The following CYTH4 variants were observed in gnomAD, a reference collection of about 807,000 sequenced individuals.
The protein encoded by CYTH4 is cytohesin 4.
In CYTH4, 22 loss-of-function variants were observed where a neutral mutation model predicts 57.5. That is an observed-to-expected ratio of 0.38 (90% confidence interval 0.27 to 0.55). The LOEUF (loss-of-function observed/expected upper bound fraction) is 0.55. Ranked by LOEUF, CYTH4 falls within the 20% of genes least tolerant of loss-of-function variation. The pLI is 0.74. For synonymous variants in CYTH4, 186 were observed against 206.5 expected (o/e 0.90, Z 0.85); for missense variants, 420 against 535.6 (o/e 0.78, Z 2.13).
At chr22:37,292,572 G>A (rs772302716) in intron 1 of CYTH4, 49 bp from the exon 2 acceptor site, 3 of 1,592,922 alleles carry the variant, frequency 1.9e-6, no homozygotes, top group Admixed American at 1.7e-5. Flanking sequence ...GAGGGCAAGT[G>A]GGTGTGGCTG....
chr22:37,286,510 T>A (rs907473040), intron 1 of CYTH4, among the ~76,000 whole-genome samples: 1 of 151,988 alleles, frequency 6.6e-6, no homozygotes, highest in East Asian at 1.9e-4. Context: ...GGCTTGGTTA[T>A]TGAGCCATGC....
chr22:37,311,554 A>C lies in CYTH4; in HGVS notation c.957+27A>C, dbSNP rs542652069. 1 of 1,610,268 alleles carries C rather than the reference A, an allele frequency of 6.2e-7. No homozygotes were observed. The highest frequency in any genetic ancestry group is 1.1e-5 in the South Asian group (1 of 91,012). On this transcript the variant is annotated intron_variant, in intron 11 of 12. Transcript: ENST00000248901. This position sits in a 1 kb window ranked among gnomAD's most constrained non-coding sequence, Gnocchi z 4.4. ...TAGGTGTTCAGGTTGCAGGATCCCG[A>C]GGCTGGAGCCACTGGGAAATTTCCT...
chr22:37,292,589 A>G lies in CYTH4; in HGVS notation c.20-32A>G, dbSNP rs375531570. On this transcript the variant is annotated intron_variant, in intron 1 of 12. Transcript: ENST00000248901. ...GGGCAAGTGGGTGTGGCTGGAGCCA[A>G]GTGATGGGGAAGGCCGGTTGTCTCT... The G allele has an allele frequency of 1.5e-4, 234 of 1,610,762 alleles. No individual in the cohort carries two copies. The African/African-American group carries it at 2.8e-3, about 19-fold the overall frequency.
chr22:37,293,580 G>T (rs1407217045), intron 2 of CYTH4, among the ~76,000 whole-genome samples: 1 of 152,260 alleles, frequency 6.6e-6, no homozygotes, highest in Non-Finnish European at 1.5e-5. Flanking sequence ...GCATGAACAG[G>T]AGCTGACACG....
intron 9 of CYTH4, chr22:37,310,076 C>T: frequency 2.2e-6 from 1 of 457,382 alleles, no homozygotes; most frequent in Non-Finnish European, 4.5e-6. Flanking sequence ...CTCAACCTGG[C>T]TCACCTCCAG....
At chr22:37,301,470 G>A (rs1274077733) in intron 7 of CYTH4, among the ~76,000 whole-genome samples, 3 of 151,896 alleles carry the variant, frequency 2.0e-5, no homozygotes, top group Non-Finnish European at 2.9e-5. Context: ...GGGCAAAAGG[G>A]GCATAGAAGG....
intron 3 of CYTH4, 36 bp downstream of exon 3, chr22:37,294,760 A>G (rs1928889840): frequency 1.2e-6 from 2 of 1,611,980 alleles, no homozygotes; most frequent in African/African-American, 2.7e-5. Context: ...AGAAACTGCC[A>G]TGGTTGCTTC....
rs1334243662 is a variant in CYTH4 at position 37,295,216 on chromosome 22, A to G, written c.167+492A>G. ...CAGATCCTGTCCCTCTCTGGGTCTC[A>G]GTTTCCCCATCTGTGCAACAAGAAG... is the stretch of plus-strand genomic sequence containing the variant. On this transcript the variant is annotated intron_variant, in intron 3 of 12. Coordinates refer to ENST00000248901, the MANE Select transcript of CYTH4 (RefSeq NM_013385.5). This position sits in a 1 kb window ranked among gnomAD's most constrained non-coding sequence, Gnocchi z 4.1. Among the ~76,000 whole-genome samples, 1 of 152,072 alleles carries G rather than the reference A, an allele frequency of 6.6e-6. No individual in the cohort carries two copies. Among genetic ancestry groups the G allele is most frequent in the Admixed American group, 6.6e-5 (1 of 15,264 alleles).
intron 3 of CYTH4, 55 bp downstream of exon 3, chr22:37,294,779 G>A (rs1928890993): frequency 6.3e-7 from 1 of 1,594,404 alleles, no homozygotes. Context: ...TCCCAAGGAT[G>A]TCATACACCT....
At chr22:37,287,572 G>C (rs1928601622) in intron 1 of CYTH4, among the ~76,000 whole-genome samples, 4 of 152,326 alleles carry the variant, frequency 2.6e-5, no homozygotes, top group South Asian at 2.1e-4. Context: ...GCTCCTGCCG[G>C]AAGAGTTCCG....
intron 8 of CYTH4, among the ~76,000 whole-genome samples, chr22:37,308,383 A>G (rs919986951): frequency 6.7e-6 from 1 of 149,922 alleles, no homozygotes; most frequent in African/African-American, 2.5e-5. Flanking sequence ...GTGTGCATGT[A>G]TATTGTCAGT....
intron 2 of CYTH4, 92 bp downstream of exon 2, chr22:37,292,795 C>A: frequency 7.4e-7 from 1 of 1,351,684 alleles, no homozygotes. Context: ...GCCTGGTCAA[C>A]AGACAGTGTG....
intron 12 of CYTH4, among the ~76,000 whole-genome samples, chr22:37,312,402 G>C (rs117837844): frequency 6.6e-6 from 1 of 152,158 alleles, no homozygotes; most frequent in African/African-American, 2.4e-5. Context: ...GGGGTTGGTG[G>C]GAGAATAGAG....
intron 1 of CYTH4, among the ~76,000 whole-genome samples, chr22:37,287,524 G>T (rs1928599525): frequency 6.6e-6 from 1 of 152,232 alleles, no homozygotes; most frequent in Admixed American, 6.5e-5. Flanking sequence ...AAGGTGATTG[G>T]TTTTTTCCCA....
At chr22:37,296,827 T>A (rs1218521921) in intron 4 of CYTH4, among the ~76,000 whole-genome samples, 1 of 152,100 alleles carries the variant, frequency 6.6e-6, no homozygotes, top group African/African-American at 2.4e-5. Context: ...GTCCTCTGCA[T>A]CCTCTGCCTG....
Position 37,282,560 on chromosome 22 carries a change from A to G in CYTH4, c.-10A>G. The stretch of plus-strand genomic sequence containing the variant: ...GGAGCACGGGTCATCTTTTCCCCAG[A>G]GGCGTCGGAATGGACCTGTGCCACC... On this transcript the variant is annotated 5_prime_UTR_variant, in exon 1 of 13. Transcript: ENST00000248901. 6.2e-7 allele frequency: 1 copy of G among 1,613,840 alleles called. No individual in the cohort carries two copies. Among genetic ancestry groups the G allele is most frequent in the East Asian group, 2.2e-5 (1 of 44,872 alleles).
chr22:37,288,176 A>C (rs779387959), intron 1 of CYTH4, among the ~76,000 whole-genome samples: 1 of 152,126 alleles, frequency 6.6e-6, no homozygotes, highest in Non-Finnish European at 1.5e-5. Context: ...GCACTTTGGG[A>C]GGCCAAAGTG....
chr22:37,312,465 T>G (rs1005743040), intron 12 of CYTH4, among the ~76,000 whole-genome samples: 1 of 152,176 alleles, frequency 6.6e-6, no homozygotes, highest in Non-Finnish European at 1.5e-5. Context: ...ACGTGGTGAG[T>G]GCTCTTGTTG....
intron 6 of CYTH4, 152 bp from the exon 7 acceptor site, chr22:37,300,755 T>C (rs1049145450): frequency 1.2e-5 from 8 of 645,232 alleles, no homozygotes; most frequent in Middle Eastern, 4.0e-4. Flanking sequence ...GGCTCCCTGG[T>C]GCCCATCCCA....
Sources: gnomAD v4.1 joint callset for allele counts (sites outside exome capture counted in the v4.1 genomes callset) on GRCh38, gnomAD v4.1.1 for gene constraint, Gnocchi (gnomAD v3.1) non-coding constraint, MANE v1.5 for transcripts, NCBI Gene and HGNC (gene_info 2026-07-23, HGNC 2026-07-21) for gene names.